CPOX: variants seen among roughly 807,000 people sequenced by gnomAD.
The protein encoded by CPOX is coproporphyrinogen oxidase, also known as oxygen-dependent coproporphyrinogen-III oxidase, mitochondrial.
In CPOX, 24 loss-of-function variants were observed where a neutral mutation model predicts 48.9. The observed-to-expected ratio is 0.49, with a 90% CI of 0.36 to 0.69. The LOEUF (loss-of-function observed/expected upper bound fraction) is 0.69. Ranked by LOEUF, CPOX falls within the 30% of genes least tolerant of loss-of-function variation. CPOX has a pLI of 0.00. For synonymous variants in CPOX, 249 were observed against 234.6 expected (o/e 1.06, Z -0.56); for missense variants, 549 against 597.3 (o/e 0.92, Z 0.84).
Position 98,579,559 on chromosome 3 carries a change from T to A in CPOX, c.*1124A>T, listed in dbSNP as rs948833716. ...ACAGAATCACAAACATTCAACGTGT[T>A]CCACGATAATGATATGTATGAGATG... is the stretch of plus-strand genomic sequence containing the variant. On this transcript the variant is annotated 3_prime_UTR_variant, in exon 7 of 7. Transcript: ENST00000647941. The A allele has an allele frequency of 4.1e-6, 4 of 985,316 alleles. No homozygotes were observed. The South Asian group carries it at 1.9e-4, about 46-fold the overall frequency. The allele number at this position is 985,316 out of a possible 1,614,324, so 61.0% of individuals were successfully genotyped here.
At chr3:98,584,055 G>C (rs183468820) in intron 5 of CPOX, among the ~76,000 whole-genome samples, 1 of 152,108 alleles carries the variant, frequency 6.6e-6, no homozygotes, top group Non-Finnish European at 1.5e-5. Context: ...GCCATCAAAC[G>C]ATGTATAAAA....
In CPOX at chr3:98,593,215, T is replaced by G. The variant is rs756381511; in HGVS notation, c.290A>C (p.Gln97Pro). 5 of 1,581,160 alleles carry G rather than the reference T, an allele frequency of 3.2e-6. No individual in the cohort carries two copies. In the East Asian group the frequency reaches 6.8e-5, roughly 21 times the overall value. Residue 97 changes from glutamine to proline, a missense_variant, in exon 1 of 7, where the codon CAG becomes CCG. Around this residue, in one of 2 missense-constraint regions of CPOX, gnomAD observed 336 missense variants for 318.1 expected, o/e 1.06. Transcript: ENST00000647941. ...GGTCTTAGGCAACATCTCCGCCCGC[T>G]GCACATGCCCGAAGGCGGCGGTGGC... ...GLATAAFGHV[Q>P]RAEMLPKTSG...
In CPOX at chr3:98,580,195, C is replaced by A; in HGVS notation, c.*488G>T. 1.0e-6 allele frequency: 1 copy of A among 990,586 alleles called. No individual in the cohort carries two copies. Among genetic ancestry groups the A allele is most frequent in the South Asian group, 4.5e-5 (1 of 22,164 alleles). 61.4% of individuals were successfully genotyped at this position (990,586 alleles called of 1,614,324 possible). The stretch of plus-strand genomic sequence containing the variant: ...GGAGAAAGATATATAAGGATTACAG[C>A]AGAGACTTCAGTATTGACAAAGTAA... On this transcript the variant is annotated 3_prime_UTR_variant, in exon 7 of 7. Coordinates refer to ENST00000647941, the MANE Select transcript of CPOX (RefSeq NM_000097.7).
the CPOX span, among the ~76,000 whole-genome samples, chr3:98,571,355 C>A: frequency 6.6e-6 from 1 of 152,106 alleles, no homozygotes; most frequent in Non-Finnish European, 1.5e-5. Flanking sequence ...AGTTTATTTT[C>A]ATTTTTCCTT....
chr3:98,579,831 T>G lies in CPOX; in HGVS notation c.*852A>C. 1 of 985,306 alleles carries G rather than the reference T, an allele frequency of 1.0e-6. No individual in the cohort carries two copies. Among genetic ancestry groups the G allele is most frequent in the Non-Finnish European group, 1.2e-6 (1 of 829,398 alleles). 61.0% of individuals were successfully genotyped at this position (985,306 alleles called of 1,614,324 possible). A position where few individuals can be genotyped will look rare whatever the true frequency, so the allele number is the denominator to read the frequency against. On this transcript the variant is annotated 3_prime_UTR_variant, in exon 7 of 7. Coordinates refer to ENST00000647941, the MANE Select transcript of CPOX (RefSeq NM_000097.7). ...AAGAAGGAAATTATTTCTCATTTCA[T>G]TTTCCAAATGAGAAACATTGCCTAA...
chr3:98,585,325 G>A, intron 5 of CPOX, 116 bp downstream of exon 5: 1 of 839,572 alleles, frequency 1.2e-6, no homozygotes, highest in East Asian at 2.4e-5. Flanking sequence ...ATTCATCTAT[G>A]AAAAGAAATT....
rs962252993 is a variant in CPOX at position 98,590,755 on chromosome 3, A to T, written c.701-13T>A. ...AATGGCAATTTACCTGGAAAGTAAA[A>T]TATGAGTCATGAGCTATATTCAGTT... On this transcript the variant is annotated splice_polypyrimidine_tract_variant and intron_variant, in intron 2 of 6. Coordinates refer to ENST00000647941, the MANE Select transcript of CPOX (RefSeq NM_000097.7). 1 of 1,560,878 alleles carries T rather than the reference A, an allele frequency of 6.4e-7. No homozygotes were observed. The highest frequency in any genetic ancestry group is 1.7e-5 in the Admixed American group (1 of 59,954).
chr3:98,591,297 A>G (rs1707474746), intron 1 of CPOX, 142 bp from the exon 2 acceptor site: 2 of 880,168 alleles, frequency 2.3e-6, no homozygotes, highest in Non-Finnish European at 1.8e-6. Flanking sequence ...ATACAATTAG[A>G]TAACTAGCTT....
chr3:98,579,654 T>C lies in CPOX; in HGVS notation c.*1029A>G. 1.0e-6 allele frequency: 1 copy of C among 984,636 alleles called. No individual in the cohort carries two copies. Among genetic ancestry groups the C allele is most frequent in the Non-Finnish European group, 1.2e-6 (1 of 829,204 alleles). 61.0% of individuals were successfully genotyped at this position (984,636 alleles called of 1,614,324 possible). ...TCATAATATATGAACAAAGAAATCA[T>C]ACATTAAGAATCCTGTTGTGATTTG... On this transcript the variant is annotated 3_prime_UTR_variant, in exon 7 of 7. Transcript: ENST00000647941.
At chr3:98,575,065 A>G (rs1239438345), downstream of CPOX, among the ~76,000 whole-genome samples, 1 of 152,198 alleles carries the variant, frequency 6.6e-6, no homozygotes, top group African/African-American at 2.4e-5. Flanking sequence ...AGAAAATGGA[A>G]GCAATCTTGA....
intron 5 of CPOX, among the ~76,000 whole-genome samples, chr3:98,584,118 G>T (rs1707313015): frequency 6.6e-6 from 1 of 152,188 alleles, no homozygotes. Flanking sequence ...AAGTTTTAAA[G>T]GATTCACCTA....
At chr3:98,588,201 A>T (rs1420399169) in intron 4 of CPOX, among the ~76,000 whole-genome samples, 1 of 150,522 alleles carries the variant, frequency 6.6e-6, no homozygotes, top group Admixed American at 6.7e-5. Context: ...TTTGATGATA[A>T]CAAATATTCT....
the CPOX span, among the ~76,000 whole-genome samples, chr3:98,570,829 A>G: frequency 6.6e-6 from 1 of 152,224 alleles, no homozygotes; most frequent in Non-Finnish European, 1.5e-5. Flanking sequence ...CCTCAGTTCC[A>G]TTCTCCATTC....
downstream of CPOX, chr3:98,578,258 G>A: frequency 7.2e-6 from 7 of 974,944 alleles, no homozygotes; most frequent in Non-Finnish European, 8.5e-6. Context: ...AGAAATACGT[G>A]GTTATTGAAG....
chr3:98,592,914 T>C, intron 1 of CPOX, 35 bp downstream of exon 1: 5 of 1,592,772 alleles, frequency 3.1e-6, no homozygotes, highest in Non-Finnish European at 4.3e-6. Context: ...CCTTTTTCCC[T>C]GTCTCCAACT....
downstream of CPOX, among the ~76,000 whole-genome samples, chr3:98,576,790 A>G (rs1351511157): frequency 6.6e-6 from 1 of 152,206 alleles, no homozygotes. Context: ...TTCACAGACT[A>G]GGAATAAGAC....
rs1707525177 is a variant in CPOX, at chr3:98,593,365, A to G, written c.140T>C (p.Val47Ala). The G allele has an allele frequency of 1.3e-5, 18 of 1,340,382 alleles. No homozygotes were observed. Among genetic ancestry groups the G allele is most frequent in the Non-Finnish European group, 1.7e-5 (18 of 1,057,744 alleles). 83.0% of individuals were successfully genotyped at this position (1,340,382 alleles called of 1,614,324 possible). A position where few individuals can be genotyped will look rare whatever the true frequency, so the allele number is the denominator to read the frequency against. Residue 47 changes from valine to alanine, a missense_variant, in exon 1 of 7, where the codon GTC becomes GCC. Coordinates refer to ENST00000647941, the MANE Select transcript of CPOX (RefSeq NM_000097.7). The stretch of plus-strand genomic sequence containing the variant: ...GCCAGCCGGGCCAGGGGGCCGGCAG[A>G]CGCGTCCGGCTGCGCTGCGCTGGGA... ...AWSQRSAAGR[V>A]CRPPGPAGTE...
chr3:98,579,402 G>A (rs1266949544), downstream of CPOX: 1 of 628,740 alleles, frequency 1.6e-6, no homozygotes, highest in African/African-American at 2.0e-5. Context: ...AGAAATATAT[G>A]CGTTTTCCTA....
intron 3 of CPOX, 60 bp from the exon 4 acceptor site, chr3:98,588,914 T>C (rs1452536817): frequency 8.3e-6 from 13 of 1,568,734 alleles, no homozygotes; most frequent in African/African-American, 1.4e-5. Flanking sequence ...TTACTGGCTA[T>C]ATTAGGACAC....
Sources: gnomAD v4.1 joint callset for allele counts (sites outside exome capture counted in the v4.1 genomes callset) on GRCh38, gnomAD v4.1.1 for gene constraint, gnomAD v4.1.1 regional missense constraint, MANE v1.5 for transcripts, NCBI Gene and HGNC (gene_info 2026-07-23, HGNC 2026-07-21) for gene names.